The following GARNL3 variants were observed in gnomAD, a reference collection of about 807,000 sequenced individuals.
The protein encoded by GARNL3 is GTPase activating Rap/RanGAP domain like 3, also known as GTPase-activating Rap/Ran-GAP domain-like protein 3.
GARNL3 carries 63 observed loss-of-function variants against 125.0 expected under a neutral mutation model. That is an observed-to-expected ratio of 0.50 (90% CI 0.41 to 0.62). The LOEUF (loss-of-function observed/expected upper bound fraction) is 0.62, where lower values mean the gene tolerates loss of function less well. Ranked by LOEUF, GARNL3 falls within the 20% of genes least tolerant of loss-of-function variation. The probability of loss-of-function intolerance (pLI) is 0.00; values close to 1 mark genes in which losing one functional copy is unlikely to be tolerated. For missense variants in GARNL3, 994 were observed against 1,244.0 expected (o/e 0.80, Z 3.02); for synonymous variants, 439 against 457.5 (o/e 0.96, Z 0.52).
At chr9:127,370,592 C>G (rs1012783043) in intron 22 of GARNL3, among the ~76,000 whole-genome samples, 1 of 152,204 alleles carries the variant, frequency 6.6e-6, no homozygotes, top group Non-Finnish European at 1.5e-5. Context: ...ATCAGAGAGC[C>G]ATATCAGAGG....
chr9:127,268,227 T>C (rs1231904938), intron 1 of GARNL3, among the ~76,000 whole-genome samples: 5 of 152,224 alleles, frequency 3.3e-5, no homozygotes, highest in Non-Finnish European at 5.9e-5. Context: ...TGTATCTGGA[T>C]CTCAGCTGTT....
intron 1 of GARNL3, among the ~76,000 whole-genome samples, chr9:127,284,197 C>G (rs369657829): frequency 6.6e-6 from 1 of 152,130 alleles, no homozygotes; most frequent in Non-Finnish European, 1.5e-5. Context: ...AGTTTTGCAA[C>G]TAGCTTTTGG....
chr9:127,366,751 A>G (rs1383897514), intron 22 of GARNL3: 4 of 152,272 alleles, frequency 2.6e-5, no homozygotes, highest in East Asian at 3.8e-4. Context: ...TGTGGATGCC[A>G]TGGGCTCTGT....
At position 127,350,127 on chromosome 9, in the gene GARNL3, CATT is replaced by C. The variant is rs1483943979; in HGVS notation, c.1543+1093_1543+1095del. 2.0e-5 allele frequency among the ~76,000 whole-genome samples: 3 copies of C among 152,128 alleles called. No homozygotes were observed. The East Asian group carries it at 5.8e-4, about 29-fold the overall frequency. ...TGTGTTTCAATTGTGTGCCCATAGT[CATT>C]GTATCTATAACGAACTTAAGGCAGA... On this transcript the variant is annotated intron_variant, in intron 17 of 27. Coordinates refer to ENST00000373387, the MANE Select transcript of GARNL3 (RefSeq NM_032293.5).
chr9:127,276,778 T>C (rs926950124), intron 1 of GARNL3, among the ~76,000 whole-genome samples: 1 of 152,254 alleles, frequency 6.6e-6, no homozygotes, highest in East Asian at 1.9e-4. Flanking sequence ...GGTTCTATTA[T>C]ATATTCTCAA....
At chr9:127,360,398 C>A (rs370857285) in intron 21 of GARNL3, among the ~76,000 whole-genome samples, 1 of 152,326 alleles carries the variant, frequency 6.6e-6, no homozygotes, top group East Asian at 1.9e-4. Context: ...GTACAGCCCT[C>A]CCGTGGTAGA....
chr9:127,327,018 T>C (rs990604416), intron 7 of GARNL3, among the ~76,000 whole-genome samples: 2 of 152,200 alleles, frequency 1.3e-5, no homozygotes, highest in African/African-American at 2.4e-5. Context: ...GACATAGACC[T>C]TTACTTATTG....
At chr9:127,289,627 C>T (rs542154238) in intron 1 of GARNL3, among the ~76,000 whole-genome samples, 1 of 152,336 alleles carries the variant, frequency 6.6e-6, no homozygotes, top group Admixed American at 6.5e-5. Context: ...TGAGCCTTCA[C>T]CCCTCAGAGG....
chr9:127,345,139 A>G (rs940781996), intron 15 of GARNL3, among the ~76,000 whole-genome samples: 3 of 152,164 alleles, frequency 2.0e-5, no homozygotes, highest in Non-Finnish European at 2.9e-5. Context: ...CATTTTTTCA[A>G]GCTCATGGTT....
chr9:127,336,299 C>T, intron 11 of GARNL3, 63 bp downstream of exon 11: 1 of 1,148,964 alleles, frequency 8.7e-7, no homozygotes, highest in Non-Finnish European at 1.3e-6. Context: ...ACTGGACTTC[C>T]ATGACCCTTA....
chr9:127,306,156 C>A (rs2064947521), intron 2 of GARNL3, among the ~76,000 whole-genome samples: 1 of 152,054 alleles, frequency 6.6e-6, no homozygotes. Context: ...CCCCTAGACC[C>A]CTTCTCAGAA....
rs751342767 is a variant in GARNL3, at chr9:127,264,887, G to A, written c.10G>A (p.Asp4Asn). 2 of 1,580,728 alleles carry A rather than the reference G, an allele frequency of 1.3e-6. No individual in the cohort carries two copies. The highest frequency in any genetic ancestry group is 1.7e-6 in the Non-Finnish European group (2 of 1,160,262). Reference protein sequence around the residue: MVVDFCRRFVARSL... With the variant: MVVNFCRRFVARSL... ...GCAGCCCTTTTTGCAAATGGTAGTT[G>A]ATTTTTGCAGAAGGTTTGTGGCCAG... The change falls in exon 1 of 28, where the codon GAT (aspartate) becomes AAT (asparagine). Residue 4 changes from aspartate to asparagine, a missense_variant. Around this residue, in one of 5 missense-constraint regions of GARNL3, gnomAD observed 37 missense variants for 34.2 expected, o/e 1.08. Transcript: ENST00000373387.
chr9:127,345,285 C>T, intron 15 of GARNL3, 118 bp from the exon 16 acceptor site: 1 of 561,828 alleles, frequency 1.8e-6, no homozygotes, highest in East Asian at 3.2e-5. Flanking sequence ...AGTAGAGGAA[C>T]CCGAAATGTT....
At chr9:127,282,370 C>G (rs2064127822) in intron 1 of GARNL3, among the ~76,000 whole-genome samples, 1 of 152,120 alleles carries the variant, frequency 6.6e-6, no homozygotes, top group Non-Finnish European at 1.5e-5. Context: ...TTATTGAGCA[C>G]TTATTATGTC....
At chr9:127,272,897 G>T in intron 1 of GARNL3, among the ~76,000 whole-genome samples, 1 of 151,976 alleles carries the variant, frequency 6.6e-6, no homozygotes, top group Admixed American at 6.6e-5. Context: ...CAAAATTATT[G>T]TAACCATTTT....
chr9:127,241,126 A>G (rs2063195923), intron 1 of GARNL3, among the ~76,000 whole-genome samples: 1 of 152,158 alleles, frequency 6.6e-6, no homozygotes, highest in Non-Finnish European at 1.5e-5. Context: ...CGTCAGTCAC[A>G]TGGAAGCTGT....
At chr9:127,268,339 C>T (rs867668319) in intron 1 of GARNL3, among the ~76,000 whole-genome samples, 4 of 152,140 alleles carry the variant, frequency 2.6e-5, no homozygotes, top group African/African-American at 7.2e-5. Flanking sequence ...GTGAATCTCA[C>T]GGGAGGGAAG....
chr9:127,356,818 A>AC (rs1564174468), intron 20 of GARNL3, among the ~76,000 whole-genome samples: 1 of 152,194 alleles, frequency 6.6e-6, no homozygotes, highest in South Asian at 2.1e-4. Context: ...AGCTGTACCT[A>AC]CCTTATAAGT....
At chr9:127,250,140 G>A (rs2063374958) in intron 2 of GARNL3, among the ~76,000 whole-genome samples, 1 of 152,196 alleles carries the variant, frequency 6.6e-6, no homozygotes, top group Non-Finnish European at 1.5e-5. Flanking sequence ...GAAAGGGGAA[G>A]ATGTATTTCT....
Sources: allele counts gnomAD v4.1 joint callset (sites outside exome capture counted in the v4.1 genomes callset), GRCh38; gene constraint gnomAD v4.1.1; regional missense constraint gnomAD v4.1.1; transcripts MANE v1.5; gene names NCBI Gene and HGNC (gene_info 2026-07-23, HGNC 2026-07-21).